Variants in GPHN observed in about 807,000 individuals in gnomAD.
GPHN encodes the protein gephyrin.
GPHN carries 17 observed loss-of-function variants against 95.5 expected under a neutral mutation model. That is an observed-to-expected ratio of 0.18 (90% CI 0.12 to 0.27). The LOEUF is 0.27. Ranked by LOEUF, GPHN falls within the 10% of genes least tolerant of loss-of-function variation. The pLI is 1.00. For missense variants in GPHN, 660 were observed against 978.1 expected (o/e 0.67, Z 4.34); for synonymous variants, 320 against 322.5 (o/e 0.99, Z 0.08).
At chr14:66,686,796 G>C (rs1595550317) in intron 2 of GPHN, among the ~76,000 whole-genome samples, 1 of 152,160 alleles carries the variant, frequency 6.6e-6, no homozygotes, top group African/African-American at 2.4e-5. Flanking sequence ...TGTTGAATAG[G>C]AGTGGTGAGA....
At chr14:66,821,561 G>A (rs991649350) in intron 3 of GPHN, among the ~76,000 whole-genome samples, 1 of 152,150 alleles carries the variant, frequency 6.6e-6, no homozygotes, top group Non-Finnish European at 1.5e-5. Flanking sequence ...GGAAGTACCT[G>A]AATAAAAGTT....
At chr14:66,957,141 G>A (rs2068572589) in intron 8 of GPHN, among the ~76,000 whole-genome samples, 1 of 143,178 alleles carries the variant, frequency 7.0e-6, no homozygotes, top group Non-Finnish European at 1.5e-5. Flanking sequence ...GAAAAAAAAA[G>A]TGTTTAATTT....
At chr14:66,859,924 CAGTT>C (rs112707604) in intron 4 of GPHN, among the ~76,000 whole-genome samples, 1,944 of 151,942 alleles carry the variant, frequency 0.013, 19 homozygotes, top group Non-Finnish European at 0.018. Flanking sequence ...TGAAAATACA[CAGTT>C]AGAGGAGACA....
intron 10 of GPHN, among the ~76,000 whole-genome samples, chr14:67,035,606 A>G (rs965768206): frequency 1.3e-5 from 2 of 151,936 alleles, no homozygotes; most frequent in Admixed American, 1.3e-4. Flanking sequence ...TTATATGCCA[A>G]CAAATTGAAT....
the GPHN span, chr14:67,579,767 G>A: frequency 2.0e-5 from 33 of 1,612,716 alleles, no homozygotes; most frequent in East Asian, 4.5e-5. Context: ...TTCCTCCAGC[G>A]GCTGAACCAG....
the GPHN span, chr14:67,205,152 C>A: frequency 7.0e-7 from 1 of 1,435,960 alleles, no homozygotes. Flanking sequence ...ACCGAGATCA[C>A]ACTTCTTGGT....
At chr14:66,735,035 A>G (rs2072131757) in intron 2 of GPHN, among the ~76,000 whole-genome samples, 1 of 152,164 alleles carries the variant, frequency 6.6e-6, no homozygotes, top group Non-Finnish European at 1.5e-5. Flanking sequence ...GTAATTGGAG[A>G]TCTGGTATAG....
chr14:67,065,235 G>A (rs1703775902), intron 11 of GPHN, among the ~76,000 whole-genome samples: 1 of 152,186 alleles, frequency 6.6e-6, no homozygotes, highest in African/African-American at 2.4e-5. Context: ...CCATGTGCTT[G>A]TGCGGTTTTG....
chr14:66,778,174 C>G (rs964504455), intron 3 of GPHN, among the ~76,000 whole-genome samples: 1 of 152,060 alleles, frequency 6.6e-6, no homozygotes, highest in African/African-American at 2.4e-5. Flanking sequence ...TTCTTATACA[C>G]CAATAACAGA....
chr14:66,553,299 C>T (rs973013775), intron 1 of GPHN, among the ~76,000 whole-genome samples: 4 of 152,090 alleles, frequency 2.6e-5, no homozygotes, highest in African/African-American at 9.7e-5. Context: ...CCCTAAACTT[C>T]TTAAAAGTTG....
the GPHN span, chr14:67,579,182 G>T: frequency 1.2e-6 from 2 of 1,609,614 alleles, no homozygotes; most frequent in Non-Finnish European, 1.7e-6. Context: ...CAGTGGAGCG[G>T]ACCCTGCGGA....
the GPHN span, chr14:67,724,488 T>C: frequency 6.2e-7 from 1 of 1,608,884 alleles, no homozygotes; most frequent in Non-Finnish European, 8.5e-7. Flanking sequence ...TCTTTGCTGG[T>C]GGAGTGTGTA....
At position 67,101,506 on chromosome 14, in the gene GPHN, T is replaced by A. The variant is rs374044910; in HGVS notation, c.1293+595T>A. On this transcript the variant is annotated intron_variant, in intron 13 of 22. Transcript: ENST00000478722. The stretch of plus-strand genomic sequence containing the variant: ...TATTTAAAATAAATATAAATTTAAC[T>A]TAAATATTTATTAGTCAATAATTTG... 1.8e-3 allele frequency among the ~76,000 whole-genome samples: 273 copies of A among 151,640 alleles called. 15 individuals are homozygous for A. In the South Asian group the frequency reaches 0.056, roughly 31 times the overall value.
the GPHN span, chr14:67,647,753 T>G: frequency 3.6e-6 from 1 of 274,312 alleles, no homozygotes; most frequent in Non-Finnish European, 6.8e-6. Flanking sequence ...TTGACAGTTA[T>G]TAGTATAAGA....
chr14:66,717,016 T>G (rs950193879), intron 2 of GPHN, among the ~76,000 whole-genome samples: 2 of 152,174 alleles, frequency 1.3e-5, no homozygotes, highest in African/African-American at 4.8e-5. Context: ...GTGATAAATT[T>G]TCCAGGTGTT....
the GPHN span, chr14:67,587,314 G>A: frequency 1.3e-6 from 2 of 1,522,148 alleles, no homozygotes; most frequent in Non-Finnish European, 1.8e-6. Flanking sequence ...TGATACTACT[G>A]TGACGGGTCT....
chr14:66,975,052 T>C (rs1411858555), intron 9 of GPHN, among the ~76,000 whole-genome samples: 2 of 152,206 alleles, frequency 1.3e-5, no homozygotes, highest in Non-Finnish European at 2.9e-5. Flanking sequence ...TGTCTATAGC[T>C]TTTAACCTAT....
chr14:66,774,878 T>G (rs2059327121), intron 2 of GPHN, among the ~76,000 whole-genome samples: 1 of 152,214 alleles, frequency 6.6e-6, no homozygotes, highest in Admixed American at 6.5e-5. Flanking sequence ...TTATTTAAAA[T>G]ACTGTAGGAA....
chr14:67,479,861 C>T, the GPHN span, among the ~76,000 whole-genome samples: 1 of 152,188 alleles, frequency 6.6e-6, no homozygotes, highest in Non-Finnish European at 1.5e-5. Context: ...GCTCTTCCCT[C>T]CTGTGTCATC....
Sources: gnomAD v4.1 joint callset for allele counts (sites outside exome capture counted in the v4.1 genomes callset) on GRCh38, gnomAD v4.1.1 for gene constraint, MANE v1.5 for transcripts, NCBI Gene and HGNC (gene_info 2026-07-23, HGNC 2026-07-21) for gene names.